The following MKLN1 variants were observed in gnomAD, a reference collection of about 807,000 sequenced individuals.
The protein encoded by MKLN1 is muskelin.
In MKLN1, 18 loss-of-function variants were observed where a neutral mutation model predicts 99.0. The ratio of observed to expected loss-of-function variants is 0.18; its 90% CI spans 0.13 to 0.27. MKLN1 has a LOEUF of 0.27. MKLN1 is among the 10% of genes least tolerant of loss of function. The pLI, the probability that MKLN1 is intolerant of heterozygous loss-of-function variation, is 1.00. For synonymous variants in MKLN1, 288 were observed against 293.2 expected, an observed-to-expected ratio of 0.98 and a Z score of 0.18; for missense variants, 621 against 875.9, an observed-to-expected ratio of 0.71 and a Z score of 3.67.
chr7:131,185,857 C>A (rs1796442571), intron 2 of MKLN1, among the ~76,000 whole-genome samples: 1 of 152,052 alleles, frequency 6.6e-6, no homozygotes, highest in African/African-American at 2.4e-5. Context: ...GTATTTTGTA[C>A]CATGTAAGTG....
At chr7:131,187,911 G>C (rs982152070) in intron 2 of MKLN1, among the ~76,000 whole-genome samples, 1 of 152,092 alleles carries the variant, frequency 6.6e-6, no homozygotes, top group African/African-American at 2.4e-5. Context: ...AGCTGAGATT[G>C]TGCCACTGTA....
chr7:131,162,665 G>A (rs925713139), intron 2 of MKLN1, among the ~76,000 whole-genome samples: 8 of 152,128 alleles, frequency 5.3e-5, no homozygotes, highest in Non-Finnish European at 2.9e-5. Flanking sequence ...TTATGTATAT[G>A]CAGATATTCC....
At chr7:131,321,402 A>G (rs7793691) in intron 3 of MKLN1, among the ~76,000 whole-genome samples, 11,641 of 152,192 alleles carry the variant, frequency 0.076, 469 homozygotes, top group East Asian at 0.16. Flanking sequence ...CAAGAAGAAC[A>G]TTAAACACCG....
chr7:131,127,363 A>T (rs1443825485), intron 1 of MKLN1, among the ~76,000 whole-genome samples: 1 of 152,068 alleles, frequency 6.6e-6, no homozygotes, highest in Non-Finnish European at 1.5e-5. Context: ...ATATTATCTC[A>T]TGGAGCACAC....
At chr7:131,184,674 G>A (rs564542752) in intron 2 of MKLN1, among the ~76,000 whole-genome samples, 8 of 152,006 alleles carry the variant, frequency 5.3e-5, no homozygotes, top group South Asian at 2.1e-4. Flanking sequence ...ACAGGTGCCC[G>A]CCACTACATC....
intron 6 of MKLN1, among the ~76,000 whole-genome samples, chr7:131,405,829 A>G (rs1389422611): frequency 6.6e-6 from 1 of 152,138 alleles, no homozygotes; most frequent in Non-Finnish European, 1.5e-5. Flanking sequence ...GAGACTTGCT[A>G]TATAACCCAG....
At chr7:131,291,991 T>C (rs1798226132) in intron 3 of MKLN1, among the ~76,000 whole-genome samples, 1 of 151,818 alleles carries the variant, frequency 6.6e-6, no homozygotes, top group South Asian at 2.1e-4. Flanking sequence ...CCTTAAGTCC[T>C]AGCTATTCAG....
intron 3 of MKLN1, among the ~76,000 whole-genome samples, chr7:131,240,015 T>C (rs960542864): frequency 3.3e-5 from 5 of 152,052 alleles, no homozygotes; most frequent in Admixed American, 1.3e-4. Context: ...GACCCATCTC[T>C]ATAAAAAATT....
In MKLN1 at chr7:131,493,577, T is replaced by C. The variant is rs1172323539; in HGVS notation, c.*5849T>C. ...TAGCATTTCCCTTCTTCCAAATAACTGTTTGAGATCTTAAAACAGAAAATC... is the reference window on the plus strand; with the variant it reads ...TAGCATTTCCCTTCTTCCAAATAACCGTTTGAGATCTTAAAACAGAAAATC... On this transcript the variant is annotated 3_prime_UTR_variant, in exon 18 of 18. Coordinates refer to ENST00000352689, the MANE Select transcript of MKLN1 (RefSeq NM_013255.5). 1 of 152,232 alleles carries C rather than the reference T, an allele frequency of 6.6e-6. No individual in the cohort carries two copies. Among genetic ancestry groups the C allele is most frequent in the African/African-American group, 2.4e-5 (1 of 41,474 alleles). 9.4% of individuals were successfully genotyped at this position (152,232 alleles called of 1,614,324 possible).
At chr7:131,213,971 T>C (rs924894124) in intron 3 of MKLN1, among the ~76,000 whole-genome samples, 6 of 152,334 alleles carry the variant, frequency 3.9e-5, no homozygotes, top group Middle Eastern at 3.4e-3. Flanking sequence ...TTTTATACTT[T>C]TATGTTTTAT....
At chr7:131,236,887 C>A (rs1448122203) in intron 3 of MKLN1, among the ~76,000 whole-genome samples, 1 of 151,844 alleles carries the variant, frequency 6.6e-6, no homozygotes, top group Non-Finnish European at 1.5e-5. Context: ...CTCAGGAGGC[C>A]TAGATGGGAG....
intron 1 of MKLN1, among the ~76,000 whole-genome samples, chr7:131,334,972 T>C (rs1799209695): frequency 1.3e-5 from 2 of 152,200 alleles, no homozygotes; most frequent in Admixed American, 1.3e-4. Context: ...TAGGTCTTTA[T>C]AGGTTCAATC....
At chr7:131,431,122 T>C (rs920553727) in intron 9 of MKLN1, among the ~76,000 whole-genome samples, 1 of 151,810 alleles carries the variant, frequency 6.6e-6, no homozygotes, top group Admixed American at 6.6e-5. Flanking sequence ...GCTGGGAGGC[T>C]GAGGCAGGAG....
chr7:131,325,232 AAG>A (rs1305532347), upstream of MKLN1, among the ~76,000 whole-genome samples: 1 of 152,178 alleles, frequency 6.6e-6, no homozygotes, highest in African/African-American at 2.4e-5. Flanking sequence ...GAGAGAAAGA[AAG>A]GGGAAAAAAG....
At chr7:131,393,798 AT>A (rs1214480845) in intron 4 of MKLN1, among the ~76,000 whole-genome samples, 2 of 150,680 alleles carry the variant, frequency 1.3e-5, no homozygotes, top group African/African-American at 2.4e-5. Context: ...CTGATTTTTA[AT>A]TTTTTTTTGT....
At chr7:131,392,897 G>A (rs1001544682) in intron 4 of MKLN1, among the ~76,000 whole-genome samples, 2 of 151,632 alleles carry the variant, frequency 1.3e-5, no homozygotes, top group African/African-American at 2.4e-5. Flanking sequence ...GAGCCACTGC[G>A]CCTGGCCTAA....
In MKLN1 at chr7:131,494,388, G is replaced by T. The variant is rs1420060835; in HGVS notation, c.*6660G>T. On this transcript the variant is annotated 3_prime_UTR_variant, in exon 18 of 18. Coordinates refer to ENST00000352689, the MANE Select transcript of MKLN1 (RefSeq NM_013255.5). ...AAGGAGAGGATCCTACACCATTAGA[G>T]CCATGCCATCAGGTGTTTGCAAGTG... The T allele has an allele frequency of 6.6e-6, 1 of 152,146 alleles. No homozygotes were observed. The highest frequency in any genetic ancestry group is 1.5e-5 in the Non-Finnish European group (1 of 68,026). The allele number at this position is 152,146 out of a possible 1,614,324, so 9.4% of individuals were successfully genotyped here. A position where few individuals can be genotyped will look rare whatever the true frequency, so the allele number is the denominator to read the frequency against.
At chr7:131,330,034 G>A (rs1028582050) in intron 1 of MKLN1, among the ~76,000 whole-genome samples, 2 of 152,174 alleles carry the variant, frequency 1.3e-5, no homozygotes, top group Non-Finnish European at 2.9e-5. Context: ...GTATAGTTGA[G>A]TATTATGGAG....
At chr7:131,131,428 G>A (rs918597383) in intron 1 of MKLN1, among the ~76,000 whole-genome samples, 4 of 152,222 alleles carry the variant, frequency 2.6e-5, no homozygotes, top group Admixed American at 6.5e-5. Context: ...TTTTCTAAGC[G>A]GTAATAATAA....
Sources: gnomAD v4.1 joint callset for allele counts (sites outside exome capture counted in the v4.1 genomes callset) on GRCh38, gnomAD v4.1.1 for gene constraint, MANE v1.5 for transcripts, NCBI Gene and HGNC (gene_info 2026-07-23, HGNC 2026-07-21) for gene names.